Variants in GRK5 observed in about 807,000 individuals in gnomAD.
GRK5 encodes the protein G protein-coupled receptor kinase 5.
In GRK5, 40 loss-of-function variants were observed where a neutral mutation model predicts 78.4. The observed-to-expected ratio is 0.51, with a 90% confidence interval of 0.40 to 0.66. The LOEUF (loss-of-function observed/expected upper bound fraction) is 0.66. GRK5 is among the 30% of genes least tolerant of loss of function. The pLI, the probability that GRK5 is intolerant of heterozygous loss-of-function variation, is 0.00. For missense variants in GRK5, 598 were observed against 759.9 expected (o/e 0.79, Z 2.50); for synonymous variants, 289 against 296.8 (o/e 0.97, Z 0.27).
At chr10:119,290,725 C>T (rs1468731831) in intron 1 of GRK5, among the ~76,000 whole-genome samples, 1 of 151,974 alleles carries the variant, frequency 6.6e-6, no homozygotes, top group African/African-American at 2.4e-5. Flanking sequence ...AGACATCCCA[C>T]CTCCGGGGAG....
At chr10:119,381,687 G>A (rs958348790) in intron 3 of GRK5, among the ~76,000 whole-genome samples, 1 of 152,200 alleles carries the variant, frequency 6.6e-6, no homozygotes, top group East Asian at 1.9e-4. Flanking sequence ...TCCGAGGAAG[G>A]AGGACAAGAG....
In GRK5 at chr10:119,334,620, C is replaced by T. The variant is rs144862111; in HGVS notation, c.148+8009C>T. On this transcript the variant is annotated intron_variant, in intron 2 of 15. Coordinates refer to ENST00000392870, the MANE Select transcript of GRK5 (RefSeq NM_005308.3). ...GAGGTCTGCAAATATTTCTCAGTGA[C>T]GCAGAAAGGTCTGTTGGGCAAAAGT... is the stretch of plus-strand genomic sequence containing the variant. 6 of 152,162 alleles carry T rather than the reference C, an allele frequency of 3.9e-5. No individual in the cohort carries two copies. The East Asian group carries it at 7.7e-4, about 20-fold the overall frequency. 9.4% of individuals were successfully genotyped at this position (152,162 alleles called of 1,614,324 possible). A position where few individuals can be genotyped will look rare whatever the true frequency, so the allele number is the denominator to read the frequency against.
Position 119,265,451 on chromosome 10 carries a change from G to A in GRK5, c.52+57482G>A, listed in dbSNP as rs115160182. On this transcript the variant is annotated intron_variant, in intron 1 of 15. Coordinates refer to ENST00000392870, the MANE Select transcript of GRK5 (RefSeq NM_005308.3). ...TGAGTCGGTTAAGATGAGGTCATGA[G>A]GATGGGGCCTCCATGATGGGATTAG... is the stretch of plus-strand genomic sequence containing the variant. 7.3e-4 allele frequency among the ~76,000 whole-genome samples: 111 copies of A among 152,286 alleles called. 1 individual carries two copies. The highest frequency in any genetic ancestry group is 6.8e-3 in the Middle Eastern group (2 of 294).
At chr10:119,343,913 C>T (rs1023349242) in intron 2 of GRK5, among the ~76,000 whole-genome samples, 19 of 152,224 alleles carry the variant, frequency 1.2e-4, no homozygotes, top group African/African-American at 3.9e-4. Context: ...CCACTGTGTA[C>T]GGCGTTTCTC....
intron 1 of GRK5, among the ~76,000 whole-genome samples, chr10:119,295,618 T>A (rs1242441347): frequency 6.6e-6 from 1 of 152,142 alleles, no homozygotes; most frequent in Non-Finnish European, 1.5e-5. Context: ...GGAATACTAC[T>A]CAGCCATAAA....
At chr10:119,447,475 C>T (rs1261541532) in intron 12 of GRK5, among the ~76,000 whole-genome samples, 3 of 152,162 alleles carry the variant, frequency 2.0e-5, no homozygotes, top group African/African-American at 7.2e-5. Context: ...TTTGCTGGTG[C>T]AGTTCCCTCT....
At chr10:119,284,655 G>A (rs1171345165) in intron 1 of GRK5, among the ~76,000 whole-genome samples, 9 of 152,200 alleles carry the variant, frequency 5.9e-5, no homozygotes, top group South Asian at 2.1e-4. Flanking sequence ...CCTCTCAGTC[G>A]TCAGTGGGTG....
At chr10:119,256,351 G>A (rs528017675) in intron 1 of GRK5, among the ~76,000 whole-genome samples, 1 of 152,304 alleles carries the variant, frequency 6.6e-6, no homozygotes, top group East Asian at 1.9e-4. Flanking sequence ...GGAGTCTGGA[G>A]TCCTGGCTCC....
chr10:119,354,937 G>A (rs73451618), intron 2 of GRK5, among the ~76,000 whole-genome samples: 2,817 of 152,174 alleles, frequency 0.019, 102 homozygotes, highest in African/African-American at 0.065. Context: ...TCGGGGACTG[G>A]CTCTAGGACT....
At chr10:119,451,428 C>G (rs377092532) in intron 13 of GRK5, among the ~76,000 whole-genome samples, 1 of 152,058 alleles carries the variant, frequency 6.6e-6, no homozygotes, top group Non-Finnish European at 1.5e-5. Flanking sequence ...TGACCTGGCA[C>G]CCCCTAGGGC....
intron 2 of GRK5, among the ~76,000 whole-genome samples, chr10:119,342,823 G>T (rs291973): frequency 1 from 152,031 of 152,230 alleles, 75,916 homozygotes; most frequent in Non-Finnish European, 1. Context: ...TAACCCCTTT[G>T]CCCTGAGCCC....
intron 6 of GRK5, among the ~76,000 whole-genome samples, chr10:119,426,568 T>A (rs1852680710): frequency 6.6e-6 from 1 of 152,160 alleles, no homozygotes. Context: ...GAGGAGGAGA[T>A]AAGATAAGCA....
intron 1 of GRK5, among the ~76,000 whole-genome samples, chr10:119,313,182 GTGA>G (rs1477170723): frequency 4.0e-5 from 6 of 149,094 alleles, no homozygotes; most frequent in South Asian, 2.1e-4. Context: ...GGTGGTGATG[GTGA>G]TGATGATGGT....
rs1373620043 is a variant in GRK5, at chr10:119,231,966, A to G, written c.52+23997A>G. 2.6e-5 allele frequency among the ~76,000 whole-genome samples: 4 copies of G among 152,234 alleles called. No homozygotes were observed. The East Asian group carries it at 7.7e-4, about 29-fold the overall frequency. ...ACTAGAACTACCATATGATCCAGCA[A>G]TCTCACTACTGGGCATTTATCCAAA... On this transcript the variant is annotated intron_variant, in intron 1 of 15. Transcript: ENST00000392870.
chr10:119,403,406 C>T (rs1009437872), intron 4 of GRK5, among the ~76,000 whole-genome samples: 1 of 152,238 alleles, frequency 6.6e-6, no homozygotes, highest in Middle Eastern at 3.4e-3. Flanking sequence ...ACCTCGTGAT[C>T]CACCCGCCTC....
chr10:119,262,782 C>T (rs917423167), intron 1 of GRK5, among the ~76,000 whole-genome samples: 3 of 152,204 alleles, frequency 2.0e-5, no homozygotes, highest in Admixed American at 6.5e-5. Flanking sequence ...GGTTCCTACT[C>T]AAGCTATGCC....
chr10:119,223,759 C>T (rs987561245), intron 1 of GRK5, among the ~76,000 whole-genome samples: 3 of 150,938 alleles, frequency 2.0e-5, no homozygotes, highest in African/African-American at 7.3e-5. Context: ...TTGCCTCACC[C>T]ACTAAATTGT....
chr10:119,329,442 G>T (rs759554941), intron 2 of GRK5, among the ~76,000 whole-genome samples: 29 of 152,258 alleles, frequency 1.9e-4, no homozygotes, highest in Non-Finnish European at 3.7e-4. Flanking sequence ...GAGCTTCCTG[G>T]GTTTCTTTTT....
In GRK5 at chr10:119,455,302, A is replaced by AAATTTCTAT; in HGVS notation, c.*235_*236insAATTTCTAT. On this transcript the variant is annotated 3_prime_UTR_variant, in exon 16 of 16. Transcript: ENST00000392870. Reference sequence around the variant, plus strand: ...TGGATTGGATTTGTCTTTGGTGAACATTGCAATAGAAATCCAATTGGATAC... The same window carrying AAATTTCTAT: ...TGGATTGGATTTGTCTTTGGTGAACAAATTTCTATTTGCAATAGAAATCCAATTGGATAC... 1.4e-6 allele frequency: 1 copy of AAATTTCTAT among 689,732 alleles called. No homozygotes were observed. The highest frequency in any genetic ancestry group is 2.6e-6 in the Non-Finnish European group (1 of 377,484). The allele number at this position is 689,732 out of a possible 1,614,324, so 42.7% of individuals were successfully genotyped here. A position where few individuals can be genotyped will look rare whatever the true frequency, so the allele number is the denominator to read the frequency against.
Sources: gnomAD v4.1 joint callset for allele counts (sites outside exome capture counted in the v4.1 genomes callset) on GRCh38, gnomAD v4.1.1 for gene constraint, MANE v1.5 for transcripts, NCBI Gene and HGNC (gene_info 2026-07-23, HGNC 2026-07-21) for gene names.